The following AP3B1 variants were observed in gnomAD, a reference collection of about 807,000 sequenced individuals.
The protein encoded by AP3B1 is adaptor related protein complex 3 subunit beta 1.
Under a neutral mutation model 132.5 loss-of-function variants are expected in AP3B1, and 61 were observed. The observed-to-expected ratio is 0.46, with a 90% CI of 0.37 to 0.57. The LOEUF (loss-of-function observed/expected upper bound fraction) is 0.57, where lower values mean the gene tolerates loss of function less well. Among genes scored for constraint, AP3B1 ranks in the 20% least tolerant of loss-of-function variants. AP3B1 has a pLI of 0.00. For missense variants in AP3B1, 1,120 were observed against 1,289.4 expected, an observed-to-expected ratio of 0.87 and a Z score of 2.01; for synonymous variants, 388 against 438.3, an observed-to-expected ratio of 0.89 and a Z score of 1.43.
intron 17 of AP3B1, among the ~76,000 whole-genome samples, chr5:78,120,365 G>A (rs567905639): frequency 1.7e-4 from 26 of 152,242 alleles, no homozygotes; most frequent in Non-Finnish European, 2.4e-4. Context: ...ATGTAAATGG[G>A]CTAAATGCTC....
chr5:78,097,539 C>T lies in AP3B1; in HGVS notation c.2470+3414G>A, dbSNP rs4704481. 7.4e-3 allele frequency among the ~76,000 whole-genome samples: 685 copies of T among 91,952 alleles called. 47 individuals are homozygous for T. Among genetic ancestry groups the T allele is most frequent in the Admixed American group, 0.024 (195 of 8,158 alleles). The allele number at this position is 91,952 out of a possible 152,430, so 60.3% of individuals were successfully genotyped here. A position where few individuals can be genotyped will look rare whatever the true frequency, so the allele number is the denominator to read the frequency against. On this transcript the variant is annotated intron_variant, in intron 21 of 26. Transcript: ENST00000255194. ...GGTCAGCCCCCCGCCCGGCCAGCCG[C>T]CCCGTCCGGGAGGGAGGTAGGGGGT...
intron 15 of AP3B1, among the ~76,000 whole-genome samples, chr5:78,138,772 G>A (rs960111498): frequency 6.6e-6 from 1 of 151,940 alleles, no homozygotes; most frequent in African/African-American, 2.4e-5. Flanking sequence ...AGAAGTTCGA[G>A]ATCAGCCTGG....
chr5:78,015,054 T>C (rs1358816425), intron 26 of AP3B1, among the ~76,000 whole-genome samples: 1 of 152,214 alleles, frequency 6.6e-6, no homozygotes, highest in Non-Finnish European at 1.5e-5. Context: ...AGTCCAACTA[T>C]ACTGCTTTAT....
At chr5:78,143,969 C>A (rs111768669) in intron 14 of AP3B1, among the ~76,000 whole-genome samples, 3 of 151,960 alleles carry the variant, frequency 2.0e-5, no homozygotes, top group African/African-American at 7.3e-5. Context: ...TGTGCCACTG[C>A]ACTCCAGCCT....
At chr5:78,246,115 C>A (rs1747369992) in intron 2 of AP3B1, among the ~76,000 whole-genome samples, 1 of 152,164 alleles carries the variant, frequency 6.6e-6, no homozygotes, top group African/African-American at 2.4e-5. Context: ...TTCCAGAGTG[C>A]CCCAAAGAAC....
intron 17 of AP3B1, among the ~76,000 whole-genome samples, chr5:78,123,145 T>G (rs990192682): frequency 3.3e-5 from 5 of 152,244 alleles, no homozygotes; most frequent in African/African-American, 9.6e-5. Context: ...GCTAGCCAGA[T>G]GTAGAAAGCT....
intron 22 of AP3B1, chr5:78,043,866 A>G (rs1382514993): frequency 5.4e-6 from 2 of 367,762 alleles, no homozygotes; most frequent in Non-Finnish European, 1.1e-5. Flanking sequence ...AGGCATTGAC[A>G]TGACCAAGGC....
chr5:78,054,656 T>C (rs1462835428), intron 22 of AP3B1, among the ~76,000 whole-genome samples: 1 of 152,164 alleles, frequency 6.6e-6, no homozygotes, highest in Non-Finnish European at 1.5e-5. Flanking sequence ...CTGTTCTACA[T>C]ATTTCAGAGA....
chr5:78,251,014 A>G (rs918970587), intron 2 of AP3B1, among the ~76,000 whole-genome samples: 5 of 152,164 alleles, frequency 3.3e-5, no homozygotes, highest in Non-Finnish European at 7.4e-5. Flanking sequence ...ACATAATAGG[A>G]AGGCTAAGAG....
chr5:78,053,376 A>G (rs1340275086), intron 22 of AP3B1, among the ~76,000 whole-genome samples: 1 of 152,246 alleles, frequency 6.6e-6, no homozygotes, highest in East Asian at 1.9e-4. Context: ...AAATAGTATG[A>G]AAATATAAGA....
At chr5:78,010,860 T>TGTATA (rs10648738) in intron 26 of AP3B1, among the ~76,000 whole-genome samples, 5,907 of 152,140 alleles carry the variant, frequency 0.039, 393 homozygotes, top group African/African-American at 0.14. Flanking sequence ...ACCTTCACAA[T>TGTATA]GTATATCTCA....
At chr5:78,117,948 T>C (rs887892016) in intron 17 of AP3B1, among the ~76,000 whole-genome samples, 5 of 152,360 alleles carry the variant, frequency 3.3e-5, no homozygotes, top group Middle Eastern at 6.8e-3. Context: ...GTTTTTCCTA[T>C]GTGCAAGTCT....
chr5:78,103,550 T>C (rs893028918), intron 20 of AP3B1, among the ~76,000 whole-genome samples: 32 of 152,210 alleles, frequency 2.1e-4, no homozygotes, highest in African/African-American at 6.8e-4. Flanking sequence ...GTGTTAGTAC[T>C]TGAGAAGAGA....
intron 1 of AP3B1, among the ~76,000 whole-genome samples, chr5:78,269,037 A>G (rs547194017): frequency 2.0e-5 from 3 of 152,328 alleles, no homozygotes; most frequent in East Asian, 1.9e-4. Context: ...CTCAAAATAC[A>G]TTAACTTTTA....
At chr5:78,179,588 T>C (rs559190411) in intron 8 of AP3B1, among the ~76,000 whole-genome samples, 3 of 152,296 alleles carry the variant, frequency 2.0e-5, no homozygotes, top group Admixed American at 6.5e-5. Flanking sequence ...TCATGCCTGT[T>C]CATAATAAAG....
At chr5:78,110,393 T>A in intron 19 of AP3B1, 39 bp from the exon 20 acceptor site, 1 of 1,489,496 alleles carries the variant, frequency 6.7e-7, no homozygotes, top group African/African-American at 1.4e-5. Context: ...GAACTTTAAC[T>A]CCTTTATATA....
intron 12 of AP3B1, among the ~76,000 whole-genome samples, chr5:78,164,382 T>C (rs1340218465): frequency 6.6e-6 from 1 of 151,954 alleles, no homozygotes; most frequent in East Asian, 1.9e-4. Context: ...TTGAAACAGG[T>C]CTAGTATGTG....
intron 7 of AP3B1, among the ~76,000 whole-genome samples, chr5:78,204,691 T>C (rs1364376963): frequency 6.6e-6 from 1 of 152,232 alleles, no homozygotes; most frequent in Non-Finnish European, 1.5e-5. Flanking sequence ...GGCATGTCCC[T>C]TGCATTAGGG....
At chr5:78,256,267 C>T (rs1411246403) in intron 2 of AP3B1, among the ~76,000 whole-genome samples, 4 of 150,826 alleles carry the variant, frequency 2.7e-5, no homozygotes, top group Non-Finnish European at 5.9e-5. Flanking sequence ...ATTGACAAAC[C>T]ATCAGCCAGA....
Sources: gnomAD v4.1 joint callset for allele counts (sites outside exome capture counted in the v4.1 genomes callset) on GRCh38, gnomAD v4.1.1 for gene constraint, MANE v1.5 for transcripts, NCBI Gene and HGNC (gene_info 2026-07-23, HGNC 2026-07-21) for gene names.